RHOF: variants seen among roughly 807,000 people sequenced by gnomAD.
RHOF encodes rho-related GTP-binding protein RhoF.
RHOF carries 21 observed loss-of-function variants against 22.2 expected under a neutral mutation model. The ratio of observed to expected loss-of-function variants is 0.95; its 90% CI spans 0.67 to 1.36. The LOEUF (loss-of-function observed/expected upper bound fraction) is 1.36, where lower values mean the gene tolerates loss of function less well. Among genes scored for constraint, RHOF ranks in the 40% most tolerant of loss-of-function variants. The probability of loss-of-function intolerance (pLI) is 0.00; values close to 1 mark genes in which losing one functional copy is unlikely to be tolerated. For synonymous variants in RHOF, 135 were observed against 131.2 expected, an observed-to-expected ratio of 1.03 and a Z score of -0.20; for missense variants, 285 against 293.7, an observed-to-expected ratio of 0.97 and a Z score of 0.22.
chr12:121,789,453 C>G (rs1367900569), intron 2 of RHOF, among the ~76,000 whole-genome samples: 2 of 152,162 alleles, frequency 1.3e-5, no homozygotes, highest in African/African-American at 4.8e-5. Flanking sequence ...CTTCCAGGGA[C>G]AGGGGTCTCT....
intron 2 of RHOF, among the ~76,000 whole-genome samples, chr12:121,790,001 T>A (rs1419281100): frequency 2.0e-5 from 3 of 152,232 alleles, no homozygotes; most frequent in African/African-American, 4.8e-5. Flanking sequence ...CGCAGCTTCC[T>A]GCCTCAGAGG....
chr12:121,781,667 C>A (rs1044665039), intron 2 of RHOF: 1 of 160,516 alleles, frequency 6.2e-6, no homozygotes, highest in African/African-American at 2.4e-5. Context: ...TGGAACCCTC[C>A]CCTCCCCAAA....
intron 2 of RHOF, among the ~76,000 whole-genome samples, chr12:121,791,204 C>A (rs902031911): frequency 6.6e-6 from 1 of 152,156 alleles, no homozygotes; most frequent in Non-Finnish European, 1.5e-5. Context: ...CGGCTCACTG[C>A]AACCTCTGCC....
intron 2 of RHOF, chr12:121,782,678 T>G (rs1310390590): frequency 2.6e-5 from 4 of 152,376 alleles, no homozygotes; most frequent in Admixed American, 2.0e-4. Context: ...CTCTCCCCAC[T>G]GGATCCCCCT....
intron 4 of RHOF, chr12:121,780,576 C>A: frequency 1.9e-6 from 1 of 514,022 alleles, no homozygotes; most frequent in Non-Finnish European, 3.4e-6. Flanking sequence ...ATCCTGGCTC[C>A]ACTTCTCGCT....
In RHOF at chr12:121,779,678, A is replaced by G. The variant is rs1874376219; in HGVS notation, c.472-16T>C. On this transcript the variant is annotated splice_polypyrimidine_tract_variant and intron_variant, in intron 4 of 4. Transcript: ENST00000267205. ...CGCTCAGGCCCTGGGTGGGGGGAGGAGCCAGCATTAGGTGAGGGGCCCCTG... is the reference window on the plus strand; with the variant it reads ...CGCTCAGGCCCTGGGTGGGGGGAGGGGCCAGCATTAGGTGAGGGGCCCCTG... 1.2e-6 allele frequency: 2 copies of G among 1,613,058 alleles called. No individual in the cohort carries two copies. The highest frequency in any genetic ancestry group is 1.7e-6 in the Non-Finnish European group (2 of 1,179,662).
intron 2 of RHOF, 171 bp from the exon 3 acceptor site, chr12:121,781,363 C>T (rs1447954365): frequency 4.9e-6 from 3 of 610,968 alleles, no homozygotes; most frequent in South Asian, 2.0e-5. Flanking sequence ...CGCAGCTACT[C>T]GGGAGGCTGA....
At chr12:121,788,184 G>A (rs1300292758) in intron 2 of RHOF, among the ~76,000 whole-genome samples, 1 of 152,212 alleles carries the variant, frequency 6.6e-6, no homozygotes, top group African/African-American at 2.4e-5. Flanking sequence ...GAGAGCTGGA[G>A]TGACTTGCCC....
chr12:121,786,340 GCCA>G (rs1383725152), intron 2 of RHOF, among the ~76,000 whole-genome samples: 2 of 152,182 alleles, frequency 1.3e-5, no homozygotes, highest in East Asian at 3.9e-4. Context: ...ACAGGCGTGA[GCCA>G]CCATGTCAGC....
chr12:121,790,202 C>A (rs1022368693), intron 2 of RHOF, among the ~76,000 whole-genome samples: 1 of 152,246 alleles, frequency 6.6e-6, no homozygotes, highest in Non-Finnish European at 1.5e-5. Context: ...CGGCCCCTGC[C>A]CAGGACCAGC....
chr12:121,788,277 A>G (rs986659980), intron 2 of RHOF, among the ~76,000 whole-genome samples: 4 of 152,082 alleles, frequency 2.6e-5, no homozygotes, highest in Admixed American at 6.5e-5. Context: ...ACCCCAGAAA[A>G]CAGGAAGGAA....
At position 121,793,686 on chromosome 12, in the gene RHOF, G is replaced by A. The variant is rs1874832065; in HGVS notation, c.-53C>T. On this transcript the variant is annotated 5_prime_UTR_variant, in exon 1 of 5. Coordinates refer to ENST00000267205, the MANE Select transcript of RHOF (RefSeq NM_019034.3). ...GCGCGCCGGGCACTAGCGGAGCCAAGAGGTCGGGGGCGGGGCGGGGCCGGA... is the reference window on the plus strand; with the variant it reads ...GCGCGCCGGGCACTAGCGGAGCCAAAAGGTCGGGGGCGGGGCGGGGCCGGA... 6.9e-6 allele frequency: 10 copies of A among 1,441,716 alleles called. No homozygotes were observed. The highest frequency in any genetic ancestry group is 1.5e-5 in the African/African-American group (1 of 66,534). The allele number at this position is 1,441,716 out of a possible 1,614,324, so 89.3% of individuals were successfully genotyped here.
intron 2 of RHOF, among the ~76,000 whole-genome samples, chr12:121,787,038 A>G (rs1156976672): frequency 6.6e-6 from 1 of 152,160 alleles, no homozygotes; most frequent in Non-Finnish European, 1.5e-5. Flanking sequence ...ACTCTGTCTC[A>G]AAACAAAAAC....
chr12:121,784,861 G>A (rs1874564918), intron 2 of RHOF, among the ~76,000 whole-genome samples: 1 of 152,194 alleles, frequency 6.6e-6, no homozygotes, highest in Admixed American at 6.5e-5. Flanking sequence ...TGGCCGGAGT[G>A]AACAGGTACA....
At chr12:121,781,609 T>C (rs1488159755) in intron 2 of RHOF, 1 of 204,664 alleles carries the variant, frequency 4.9e-6, no homozygotes, top group Non-Finnish European at 1.0e-5. Flanking sequence ...ATGATGCCGA[T>C]AGCCAGTGTG....
intron 4 of RHOF, chr12:121,780,662 C>A (rs1039072148): frequency 8.1e-6 from 5 of 613,838 alleles, no homozygotes; most frequent in Non-Finnish European, 1.4e-5. Flanking sequence ...GGGATGTGAA[C>A]AGCGCCTGCC....
At chr12:121,787,909 A>AGAGG (rs1874652403) in intron 2 of RHOF, among the ~76,000 whole-genome samples, 1 of 48,844 alleles carries the variant, frequency 2.0e-5, no homozygotes, top group Non-Finnish European at 3.6e-5. Flanking sequence ...AAAAAAAAAA[A>AGAGG]GGGGGGGGGG....
In RHOF at chr12:121,787,069, AC is replaced by A. The variant is rs748663368; in HGVS notation, c.227-5878del. Among the ~76,000 whole-genome samples the A allele has an allele frequency of 4.1e-4, 62 of 152,098 alleles. 1 individual carries two copies. The highest frequency in any genetic ancestry group is 3.1e-4 in the Non-Finnish European group (21 of 68,014). On this transcript the variant is annotated intron_variant, in intron 2 of 4. Coordinates refer to ENST00000267205, the MANE Select transcript of RHOF (RefSeq NM_019034.3). ...AAAACAAAAATCAAAAACAAAAAAA[AC>A]AGTAATTCTCTGGGTTTTTTGGTTT...
At chr12:121,780,768 C>T in intron 4 of RHOF, 104 bp downstream of exon 4, 2 of 1,321,308 alleles carry the variant, frequency 1.5e-6, no homozygotes, top group African/African-American at 1.5e-5. Flanking sequence ...ATCTTGCTTC[C>T]CTCAGCTCCC....
Sources: gnomAD v4.1 joint callset for allele counts (sites outside exome capture counted in the v4.1 genomes callset) on GRCh38, gnomAD v4.1.1 for gene constraint, MANE v1.5 for transcripts, NCBI Gene and HGNC (gene_info 2026-07-23, HGNC 2026-07-21) for gene names.